Variants in UPP2 observed in about 807,000 individuals in gnomAD.
UPP2 encodes the protein uridine phosphorylase 2.
UPP2 carries 23 observed loss-of-function variants against 26.7 expected under a neutral mutation model. That is an observed-to-expected ratio of 0.86 (90% CI 0.62 to 1.22). UPP2 has a LOEUF of 1.22. Ranked by LOEUF, UPP2 falls within the 50% of genes most tolerant of loss-of-function variation. The pLI is 0.00. For missense variants in UPP2, 387 were observed against 396.7 expected (o/e 0.98, Z 0.21); for synonymous variants, 127 against 141.3 (o/e 0.90, Z 0.72).
chr2:158,111,173 C>T (rs1205044780), intron 2 of UPP2, among the ~76,000 whole-genome samples: 1 of 152,110 alleles, frequency 6.6e-6, no homozygotes, highest in Non-Finnish European at 1.5e-5. Context: ...ATTCCCTTTC[C>T]ATAAGTTCTA....
chr2:158,129,215 C>A (rs564004437), intron 6 of UPP2, among the ~76,000 whole-genome samples: 15 of 152,088 alleles, frequency 9.9e-5, no homozygotes, highest in Non-Finnish European at 2.1e-4. Context: ...CTGCTATGAC[C>A]CCAGGGAGGC....
At chr2:158,003,099 T>G (rs1248744762) in intron 2 of UPP2, among the ~76,000 whole-genome samples, 1 of 152,282 alleles carries the variant, frequency 6.6e-6, no homozygotes, top group East Asian at 1.9e-4. Flanking sequence ...TGGCTATCCC[T>G]GATGGGCAAG....
chr2:158,030,983 G>C (rs1683912288), intron 3 of UPP2, among the ~76,000 whole-genome samples: 1 of 151,994 alleles, frequency 6.6e-6, no homozygotes, highest in African/African-American at 2.4e-5. Flanking sequence ...AGGCCAGTCA[G>C]TTCCCTCAAC....
At chr2:158,030,981 C>T (rs901632735) in intron 3 of UPP2, among the ~76,000 whole-genome samples, 1 of 152,030 alleles carries the variant, frequency 6.6e-6, no homozygotes, top group Admixed American at 6.5e-5. Context: ...TTAGGCCAGT[C>T]AGTTCCCTCA....
At chr2:158,074,267 G>A (rs747730893) in intron 3 of UPP2, among the ~76,000 whole-genome samples, 6 of 152,088 alleles carry the variant, frequency 3.9e-5, no homozygotes, top group Non-Finnish European at 7.4e-5. Context: ...ACACAGAAAA[G>A]CACAGAATAT....
chr2:158,102,073 G>A lies in UPP2; in HGVS notation c.10G>A (p.Val4Ile), dbSNP rs1202309080. Residue 4 changes from valine to isoleucine, a missense_variant, in exon 1 of 7, where the codon GTT becomes ATT. Coordinates refer to ENST00000005756, the MANE Select transcript of UPP2 (RefSeq NM_173355.4). ...TCACATAGTAGAGAGAATGGCTTCA[G>A]TTATACCTGCCTCCAATAGGTCCAT... MAS[V>I]IPASNRSMRS... The A allele has an allele frequency of 1.2e-6, 2 of 1,613,506 alleles. No individual in the cohort carries two copies. Among genetic ancestry groups the A allele is most frequent in the African/African-American group, 1.3e-5 (1 of 74,984 alleles).
At chr2:158,092,230 G>A (rs1035538282) in intron 3 of UPP2, among the ~76,000 whole-genome samples, 3 of 152,154 alleles carry the variant, frequency 2.0e-5, no homozygotes, top group Admixed American at 6.5e-5. Context: ...TAACAGACAG[G>A]TTTTTTCATA....
chr2:158,102,208 T>A, intron 1 of UPP2, 83 bp downstream of exon 1: 2 of 1,454,512 alleles, frequency 1.4e-6, no homozygotes, highest in South Asian at 1.4e-5. Flanking sequence ...ATAATGGGCC[T>A]CTACAGTTAA....
intron 3 of UPP2, among the ~76,000 whole-genome samples, chr2:158,026,699 T>C (rs549828438): frequency 2.0e-5 from 3 of 152,170 alleles, no homozygotes; most frequent in Non-Finnish European, 4.4e-5. Context: ...GATGACCAGG[T>C]CATGTTTAAT....
At chr2:158,079,017 A>G (rs2105193150) in intron 3 of UPP2, among the ~76,000 whole-genome samples, 1 of 152,224 alleles carries the variant, frequency 6.6e-6, no homozygotes, top group Non-Finnish European at 1.5e-5. Flanking sequence ...TGTTTTCATG[A>G]CAGTGAGTCC....
At chr2:158,095,613 T>C (rs1465779844) in intron 3 of UPP2, among the ~76,000 whole-genome samples, 2 of 152,192 alleles carry the variant, frequency 1.3e-5, no homozygotes, top group African/African-American at 2.4e-5. Flanking sequence ...TCTCAGGCAT[T>C]TGATTTAACC....
At chr2:158,026,104 G>A (rs1051243346) in intron 3 of UPP2, among the ~76,000 whole-genome samples, 2 of 152,110 alleles carry the variant, frequency 1.3e-5, no homozygotes, top group Non-Finnish European at 2.9e-5. Context: ...TGTGAGGTTA[G>A]GAAATGGTGG....
intron 3 of UPP2, among the ~76,000 whole-genome samples, chr2:158,061,088 C>A (rs1682344882): frequency 6.6e-6 from 1 of 152,206 alleles, no homozygotes; most frequent in East Asian, 1.9e-4. Context: ...AAGGCTTAAT[C>A]CATTGACATG....
At chr2:158,083,865 T>TATATATATATATATATATATATATATATA (rs1553467788) in intron 3 of UPP2, among the ~76,000 whole-genome samples, 3 of 118,754 alleles carry the variant, frequency 2.5e-5, no homozygotes, top group African/African-American at 9.6e-5. Context: ...TATATATGTT[T>TATATATATATATATATATATATATATATA]TTTATATATA....
chr2:158,094,027 C>T (rs1487302512), intron 3 of UPP2, among the ~76,000 whole-genome samples: 1 of 149,774 alleles, frequency 6.7e-6, no homozygotes, highest in African/African-American at 2.4e-5. Flanking sequence ...ACATATCTAC[C>T]ATATATATAC....
chr2:158,022,052 A>G (rs1392032613), intron 3 of UPP2, among the ~76,000 whole-genome samples: 3 of 151,690 alleles, frequency 2.0e-5, no homozygotes, highest in African/African-American at 7.3e-5. Flanking sequence ...TTTTTTTCAA[A>G]TTGAGTCAAT....
chr2:158,019,298 G>T (rs1683710107), intron 3 of UPP2, among the ~76,000 whole-genome samples: 1 of 152,142 alleles, frequency 6.6e-6, no homozygotes, highest in Non-Finnish European at 1.5e-5. Context: ...GAGGCAAGTT[G>T]GTGGGATATG....
intron 3 of UPP2, among the ~76,000 whole-genome samples, chr2:158,021,298 T>C (rs1683747211): frequency 6.6e-6 from 1 of 152,256 alleles, no homozygotes; most frequent in Non-Finnish European, 1.5e-5. Context: ...TGAAGTCTTT[T>C]TAAACACCAA....
chr2:158,091,872 A>G (rs1350024919), intron 3 of UPP2, among the ~76,000 whole-genome samples: 2 of 152,224 alleles, frequency 1.3e-5, no homozygotes, highest in Non-Finnish European at 2.9e-5. Flanking sequence ...AAATAATGGC[A>G]TGATCGAGTC....
Sources: gnomAD v4.1 joint callset for allele counts (sites outside exome capture counted in the v4.1 genomes callset) on GRCh38, gnomAD v4.1.1 for gene constraint, MANE v1.5 for transcripts, NCBI Gene and HGNC (gene_info 2026-07-23, HGNC 2026-07-21) for gene names.